CDK19: variants seen among roughly 807,000 people sequenced by gnomAD.
The protein encoded by CDK19 is cyclin dependent kinase 19, also known as cyclin-dependent kinase 19.
In CDK19, 20 loss-of-function variants were observed where a neutral mutation model predicts 68.3. The ratio of observed to expected loss-of-function variants is 0.29; its 90% CI spans 0.21 to 0.43. CDK19 has a LOEUF of 0.43. CDK19 is among the 20% of genes least tolerant of loss of function. The pLI is 1.00. For missense variants in CDK19, 339 were observed against 623.5 expected (o/e 0.54, Z 4.86); for synonymous variants, 221 against 222.8 (o/e 0.99, Z 0.07).
chr6:110,637,918 G>A (rs1375547251), intron 5 of CDK19, among the ~76,000 whole-genome samples: 1 of 152,228 alleles, frequency 6.6e-6, no homozygotes, highest in African/African-American at 2.4e-5. Context: ...AGGAGGCGGA[G>A]GTTGCAGTGA....
At chr6:110,791,552 G>GA (rs1199193186) in intron 1 of CDK19, among the ~76,000 whole-genome samples, 2 of 152,106 alleles carry the variant, frequency 1.3e-5, no homozygotes, top group Non-Finnish European at 2.9e-5. Flanking sequence ...GCATTTTGGA[G>GA]AAAAGTAGGT....
intron 2 of CDK19, among the ~76,000 whole-genome samples, chr6:110,674,763 G>A (rs969079294): frequency 6.6e-5 from 10 of 152,160 alleles, no homozygotes; most frequent in South Asian, 2.1e-4. Flanking sequence ...TTAGCTGGGC[G>A]TAGTGGCAGG....
chr6:110,635,355 C>T (rs1779698869), intron 5 of CDK19, among the ~76,000 whole-genome samples: 1 of 152,030 alleles, frequency 6.6e-6, no homozygotes, highest in Non-Finnish European at 1.5e-5. Context: ...TAAAAGCAGA[C>T]TAAATTGAAA....
In CDK19 at chr6:110,623,317, G is replaced by C; in HGVS notation, c.906C>G (p.Val302=). Residue 302 remains valine (V), a synonymous_variant, in exon 9 of 13, where the codon GTC becomes GTG. Transcript: ENST00000368911. ...SLIKYMEKHK[V]KPDSKVFLLL... ...AGAGGAACACTTTGCTGTCAGGCTT[G>C]ACCTTGTGTTTCTCCATGTACTTTA... 1.2e-6 allele frequency: 2 copies of C among 1,613,978 alleles called. No homozygotes were observed. Among genetic ancestry groups the C allele is most frequent in the Non-Finnish European group, 1.7e-6 (2 of 1,179,876 alleles).
rs1401307497 is a variant in CDK19, at chr6:110,803,096, T to C, written c.128+11913A>G. 2.0e-5 allele frequency among the ~76,000 whole-genome samples: 3 copies of C among 152,202 alleles called. No homozygotes were observed. In the South Asian group the frequency reaches 6.2e-4, roughly 31 times the overall value. ...AGGCTTTGACTTTTTTTTTTTTCTT[T>C]TGAGACAGAGTCTTGCTCTGTAGCC... is the stretch of plus-strand genomic sequence containing the variant. On this transcript the variant is annotated intron_variant, in intron 1 of 12. Coordinates refer to ENST00000368911, the MANE Select transcript of CDK19 (RefSeq NM_015076.5).
chr6:110,674,189 A>G (rs1288578336), intron 2 of CDK19, among the ~76,000 whole-genome samples: 1 of 152,220 alleles, frequency 6.6e-6, no homozygotes, highest in African/African-American at 2.4e-5. Flanking sequence ...AACTTAATCT[A>G]TAAATGTTGT....
At chr6:110,731,110 GAAAGGAAAA>G (rs1776717796) in intron 2 of CDK19, among the ~76,000 whole-genome samples, 4 of 141,678 alleles carry the variant, frequency 2.8e-5, no homozygotes, top group African/African-American at 8.3e-5. Flanking sequence ...GAAAAGAAAA[GAAAGGAAAA>G]GAAAAGAAAA....
chr6:110,637,045 T>A (rs1468178382), intron 5 of CDK19, among the ~76,000 whole-genome samples: 1 of 152,222 alleles, frequency 6.6e-6, no homozygotes, highest in Non-Finnish European at 1.5e-5. Context: ...GGAAAGAGCC[T>A]CAGGACTTAG....
At chr6:110,777,389 T>C (rs1780481691) in intron 1 of CDK19, among the ~76,000 whole-genome samples, 1 of 152,220 alleles carries the variant, frequency 6.6e-6, no homozygotes, top group East Asian at 1.9e-4. Flanking sequence ...TCAAACATTT[T>C]GTAAACTTTA....
intron 4 of CDK19, among the ~76,000 whole-genome samples, chr6:110,665,366 A>G (rs1055466102): frequency 3.3e-5 from 5 of 152,216 alleles, no homozygotes; most frequent in African/African-American, 1.2e-4. Flanking sequence ...GCAAAGAGGT[A>G]AAATAAATTT....
intron 1 of CDK19, among the ~76,000 whole-genome samples, chr6:110,761,801 T>C (rs1199092691): frequency 6.6e-6 from 1 of 152,232 alleles, no homozygotes; most frequent in African/African-American, 2.4e-5. Flanking sequence ...ACTAAGTTCA[T>C]TGAAAGCAAT....
At chr6:110,758,253 G>A (rs934151058) in intron 1 of CDK19, among the ~76,000 whole-genome samples, 4 of 152,122 alleles carry the variant, frequency 2.6e-5, no homozygotes, top group Admixed American at 6.6e-5. Flanking sequence ...AGAAAGGGGT[G>A]TACAGAAGCA....
At chr6:110,688,349 A>G (rs973247479) in intron 2 of CDK19, among the ~76,000 whole-genome samples, 13 of 151,872 alleles carry the variant, frequency 8.6e-5, no homozygotes, top group African/African-American at 3.1e-4. Context: ...ATATATATAT[A>G]TATAAAATGC....
chr6:110,783,849 A>T (rs1780996411), intron 1 of CDK19, among the ~76,000 whole-genome samples: 2 of 152,036 alleles, frequency 1.3e-5, no homozygotes, highest in Non-Finnish European at 2.9e-5. Flanking sequence ...AAAATCAAAG[A>T]AGTGAATCAT....
rs1778194248 is a variant in CDK19, at chr6:110,614,626, C to A, written c.1418G>T (p.Gly473Val). 2 of 1,613,802 alleles carry A rather than the reference C, an allele frequency of 1.2e-6. No individual in the cohort carries two copies. The highest frequency in any genetic ancestry group is 1.7e-6 in the Non-Finnish European group (2 of 1,179,902). The stretch of plus-strand genomic sequence containing the variant: ...AAGTGTGCTCTGGGACTGAGAGGAT[C>A]CCTGAACGCTGCTTTGGTAATTCAG... ...SRLNYQSSVQ[G>V]SSQSQSTLGY... is the part of the protein sequence containing the mutation. Residue 473 changes from glycine to valine, a missense_variant, in exon 13 of 13, where the codon GGA becomes GTA. Coordinates refer to ENST00000368911, the MANE Select transcript of CDK19 (RefSeq NM_015076.5).
chr6:110,689,090 T>TTGCC (rs1772757357), intron 2 of CDK19, among the ~76,000 whole-genome samples: 1 of 152,130 alleles, frequency 6.6e-6, no homozygotes, highest in South Asian at 2.1e-4. Flanking sequence ...CAGATCTGCC[T>TTGCC]TGCCAAGTGC....
intron 2 of CDK19, among the ~76,000 whole-genome samples, chr6:110,719,266 T>C (rs1014803314): frequency 6.6e-6 from 1 of 152,176 alleles, no homozygotes; most frequent in African/African-American, 2.4e-5. Context: ...GGAAGATCAC[T>C]TGAGCCCAGG....
At chr6:110,722,948 T>C (rs1390204255) in intron 2 of CDK19, among the ~76,000 whole-genome samples, 1 of 152,128 alleles carries the variant, frequency 6.6e-6, no homozygotes, top group East Asian at 1.9e-4. Flanking sequence ...GGCAACTATT[T>C]AACTATTGTG....
At chr6:110,814,754 G>A (rs1289833302) in intron 1 of CDK19, 6 of 641,974 alleles carry the variant, frequency 9.3e-6, no homozygotes, top group East Asian at 3.1e-5. Flanking sequence ...CCGAGCACTC[G>A]GAGGGCGCCC....
Sources: allele counts gnomAD v4.1 joint callset (sites outside exome capture counted in the v4.1 genomes callset), GRCh38; gene constraint gnomAD v4.1.1; transcripts MANE v1.5; gene names NCBI Gene and HGNC (gene_info 2026-07-23, HGNC 2026-07-21).